CNPY1: variants seen among roughly 807,000 people sequenced by gnomAD.
CNPY1 encodes the protein canopy FGF signaling regulator 1, also known as protein canopy homolog 1.
In CNPY1, 14 loss-of-function variants were observed where a neutral mutation model predicts 14.4. That is an observed-to-expected ratio of 0.97 (90% CI 0.64 to 1.52). The LOEUF is 1.52. CNPY1 is among the 40% of genes most tolerant of loss of function. The probability of loss-of-function intolerance (pLI) is 0.00; values close to 1 mark genes in which losing one functional copy is unlikely to be tolerated. For synonymous variants in CNPY1, 43 were observed against 46.5 expected, an observed-to-expected ratio of 0.92 and a Z score of 0.31; for missense variants, 129 against 131.5, an observed-to-expected ratio of 0.98 and a Z score of 0.09.
At chr7:155,514,946 A>T (rs1002079544) in intron 2 of CNPY1, among the ~76,000 whole-genome samples, 9 of 152,330 alleles carry the variant, frequency 5.9e-5, no homozygotes, top group Non-Finnish European at 7.4e-5. Flanking sequence ...TAGATATCTA[A>T]GAGGAAAAGG....
At chr7:155,509,779 T>G (rs1796472603) in intron 2 of CNPY1, among the ~76,000 whole-genome samples, 1 of 152,202 alleles carries the variant, frequency 6.6e-6, no homozygotes, top group South Asian at 2.1e-4. Flanking sequence ...GAACAGCTGG[T>G]GCACGTCCCC....
intron 2 of CNPY1, among the ~76,000 whole-genome samples, chr7:155,518,068 T>C (rs1332895001): frequency 6.6e-6 from 1 of 152,146 alleles, no homozygotes; most frequent in Non-Finnish European, 1.5e-5. Context: ...CCAGCGGGCA[T>C]TGAAGAGCTT....
intron 2 of CNPY1, among the ~76,000 whole-genome samples, chr7:155,528,093 G>A (rs192331183): frequency 3.0e-4 from 46 of 152,282 alleles, no homozygotes; most frequent in Admixed American, 2.3e-3. Context: ...GAACACATAC[G>A]CCCAGTCTCC....
intron 4 of CNPY1, among the ~76,000 whole-genome samples, 184 bp from the exon 5 acceptor site, chr7:155,503,289 C>A (rs1219422980): frequency 6.6e-6 from 1 of 152,094 alleles, no homozygotes; most frequent in Non-Finnish European, 1.5e-5. Context: ...GTAATCTATT[C>A]CCCTGCACCC....
intron 2 of CNPY1, among the ~76,000 whole-genome samples, chr7:155,528,220 A>G (rs765098301): frequency 1.3e-5 from 2 of 152,206 alleles, no homozygotes; most frequent in African/African-American, 4.8e-5. Flanking sequence ...TGGGCAGGAG[A>G]ATAAGACCCC....
chr7:155,515,561 G>C (rs1400081728), intron 2 of CNPY1, among the ~76,000 whole-genome samples: 2 of 152,180 alleles, frequency 1.3e-5, no homozygotes, highest in East Asian at 3.9e-4. Flanking sequence ...CTGATGTCCA[G>C]TCACAAATCG....
At chr7:155,505,878 C>T (rs11981010) in intron 4 of CNPY1, among the ~76,000 whole-genome samples, 12,693 of 152,100 alleles carry the variant, frequency 0.083, 1,720 homozygotes, top group African/African-American at 0.29. Flanking sequence ...ATCCTGACTA[C>T]GTCGTCTCAC....
intron 4 of CNPY1, 21 bp downstream of exon 4, chr7:155,506,999 A>G (rs757231178): frequency 3.3e-6 from 5 of 1,494,060 alleles, no homozygotes; most frequent in Non-Finnish European, 4.7e-6. Flanking sequence ...CAGCGAGCAC[A>G]TGTTACATCA....
At chr7:155,508,487 C>T (rs1796405196) in intron 3 of CNPY1, among the ~76,000 whole-genome samples, 1 of 152,218 alleles carries the variant, frequency 6.6e-6, no homozygotes, top group Non-Finnish European at 1.5e-5. Context: ...AAACCACAGC[C>T]CCTGATTCCT....
rs73163381 is a variant in CNPY1, at chr7:155,515,350, C to T, written c.100-6253G>A. 3.5e-5 allele frequency among the ~76,000 whole-genome samples: 5 copies of T among 142,610 alleles called. No individual in the cohort carries two copies. The East Asian group carries it at 7.3e-4, about 21-fold the overall frequency. 93.6% of individuals were successfully genotyped at this position (142,610 alleles called of 152,430 possible). ...TCTTTCACATCCTAAGAACAGGCCT[C>T]GGTGATTAGAACAAGAGGCTCTTCC... On this transcript the variant is annotated intron_variant, in intron 2 of 4. Transcript: ENST00000636446.
At chr7:155,521,248 T>C (rs993124872) in intron 2 of CNPY1, among the ~76,000 whole-genome samples, 2 of 152,174 alleles carry the variant, frequency 1.3e-5, no homozygotes, top group African/African-American at 2.4e-5. Flanking sequence ...AGAGATCACA[T>C]GCATTCCGTA....
intron 2 of CNPY1, among the ~76,000 whole-genome samples, chr7:155,537,666 C>G (rs755503436): frequency 2.0e-5 from 3 of 152,104 alleles, no homozygotes; most frequent in Non-Finnish European, 2.9e-5. Flanking sequence ...CTCAGGTGAT[C>G]CACCCGTCTT....
intron 2 of CNPY1, among the ~76,000 whole-genome samples, chr7:155,527,056 T>TTC (rs760709873): frequency 0.059 from 5,203 of 88,846 alleles, 96 homozygotes; most frequent in East Asian, 0.098. Flanking sequence ...CTTTCTTTCT[T>TTC]TTTTTTTTTT....
At chr7:155,525,922 T>C (rs1455208919) in intron 2 of CNPY1, among the ~76,000 whole-genome samples, 2 of 152,208 alleles carry the variant, frequency 1.3e-5, no homozygotes, top group Non-Finnish European at 2.9e-5. Context: ...CAACTCCTCA[T>C]AGAATTAACA....
At chr7:155,542,654 C>T (rs968785259) in intron 2 of CNPY1, among the ~76,000 whole-genome samples, 1 of 152,222 alleles carries the variant, frequency 6.6e-6, no homozygotes, top group African/African-American at 2.4e-5. Context: ...ACCCCAAGAC[C>T]CTCCCGCTGC....
chr7:155,538,565 G>A (rs925107696), intron 2 of CNPY1, among the ~76,000 whole-genome samples: 1 of 152,156 alleles, frequency 6.6e-6, no homozygotes, highest in African/African-American at 2.4e-5. Context: ...CCCTGAGCTT[G>A]GGTCTGGATT....
chr7:155,534,827 C>T lies in CNPY1; in HGVS notation c.99+11004G>A, dbSNP rs558999466. On this transcript the variant is annotated intron_variant, in intron 2 of 4. Transcript: ENST00000636446. ...GGGCACTGAGGGAGCGGGCGCTGGG[C>T]GGCTCCTGAGCAGGAAAGACCAGGC... Among the ~76,000 whole-genome samples the T allele has an allele frequency of 5.3e-5, 8 of 152,318 alleles. No homozygotes were observed. In the South Asian group the frequency reaches 1.4e-3, roughly 28 times the overall value.
intron 2 of CNPY1, among the ~76,000 whole-genome samples, chr7:155,541,452 G>A (rs1720993624): frequency 6.6e-6 from 1 of 152,186 alleles, no homozygotes; most frequent in Non-Finnish European, 1.5e-5. Flanking sequence ...CCATAAAGTT[G>A]ATAACATTGA....
At chr7:155,506,955 T>C in intron 4 of CNPY1, 65 bp downstream of exon 4, 2 of 1,101,548 alleles carry the variant, frequency 1.8e-6, no homozygotes, top group Non-Finnish European at 2.8e-6. Context: ...AACAAGACGC[T>C]GCAAGGCTGA....
Sources: gnomAD v4.1 joint callset for allele counts (sites outside exome capture counted in the v4.1 genomes callset) on GRCh38, gnomAD v4.1.1 for gene constraint, MANE v1.5 for transcripts, NCBI Gene and HGNC (gene_info 2026-07-23, HGNC 2026-07-21) for gene names.